ZNF280B: variants seen among roughly 807,000 people sequenced by gnomAD.
ZNF280B encodes suppressor of hairy wing homolog 2.
In ZNF280B, 16 loss-of-function variants were observed where a neutral mutation model predicts 38.0. The observed-to-expected ratio is 0.42, with a 90% CI of 0.28 to 0.64. ZNF280B has a LOEUF of 0.64. Among genes scored for constraint, ZNF280B ranks in the 30% least tolerant of loss-of-function variants. The pLI, the probability that ZNF280B is intolerant of heterozygous loss-of-function variation, is 0.21. For synonymous variants in ZNF280B, 253 were observed against 230.6 expected (o/e 1.10, Z -0.88); for missense variants, 581 against 639.6 (o/e 0.91, Z 0.99).
At position 22,486,333 on chromosome 22, in the gene ZNF280B, T is replaced by C. The variant is rs74765820; in HGVS notation, c.*1434A>G. The C allele has an allele frequency of 3.3e-4, 49 of 147,506 alleles. No homozygotes were observed. Among genetic ancestry groups the C allele is most frequent in the Non-Finnish European group, 5.3e-4 (36 of 67,988 alleles). 9.1% of individuals were successfully genotyped at this position (147,506 alleles called of 1,614,324 possible). ...TTTTGTCCACTGTACCTACTGTTGT[T>C]GGGACAGTCCTCATTCCAGCTTAAC... On this transcript the variant is annotated 3_prime_UTR_variant, in exon 4 of 4. Transcript: ENST00000626650.
intron 2 of ZNF280B, among the ~76,000 whole-genome samples, chr22:22,504,200 G>A (rs2061885627): frequency 6.6e-6 from 1 of 151,952 alleles, no homozygotes; most frequent in Non-Finnish European, 1.5e-5. Context: ...TTGGGAGGCT[G>A]AGGCAGGTGG....
chr22:22,500,218 C>A (rs2061788475), intron 2 of ZNF280B, among the ~76,000 whole-genome samples: 1 of 151,880 alleles, frequency 6.6e-6, no homozygotes, highest in African/African-American at 2.4e-5. Context: ...TATGTTCTAG[C>A]AATCTTACTT....
chr22:22,488,525 G>C lies in ZNF280B; in HGVS notation c.874C>G (p.Gln292Glu), dbSNP rs1426636180. 6.2e-7 allele frequency: 1 copy of C among 1,613,858 alleles called. No individual in the cohort carries two copies. The change falls in exon 4 of 4, where the codon CAG becomes GAG. Residue 292 changes from glutamine (Q) to glutamate (E), a missense_variant. Coordinates refer to ENST00000626650, the MANE Select transcript of ZNF280B (RefSeq NM_080764.4). ...IVLLSDFYYG[Q>E]HKGEGQPEQK... ...TCCGGCTGCCCTTCTCCTTTATGCT[G>C]TCCATAGTAAAAGTCACTAAGTAAC...
intron 2 of ZNF280B, among the ~76,000 whole-genome samples, chr22:22,496,104 C>T (rs780288274): frequency 1.0e-4 from 14 of 134,038 alleles, no homozygotes; most frequent in Non-Finnish European, 4.6e-5. Flanking sequence ...CTGCGCCTGG[C>T]CTTTTTTTTT....
At chr22:22,508,116 G>A (rs1345433944) in intron 1 of ZNF280B, among the ~76,000 whole-genome samples, 1 of 151,878 alleles carries the variant, frequency 6.6e-6, no homozygotes, top group Non-Finnish European at 1.5e-5. Context: ...TCTCACGGGA[G>A]GGACTCCATT....
At chr22:22,500,730 G>T (rs767009283) in intron 2 of ZNF280B, among the ~76,000 whole-genome samples, 16 of 151,688 alleles carry the variant, frequency 1.1e-4, no homozygotes, top group Non-Finnish European at 1.9e-4. Context: ...GTGGTGGCAG[G>T]CACCTATAAA....
intron 2 of ZNF280B, among the ~76,000 whole-genome samples, chr22:22,495,862 T>G (rs924046297): frequency 6.6e-6 from 1 of 150,512 alleles, no homozygotes; most frequent in African/African-American, 2.4e-5. Context: ...GGCACAGTCT[T>G]GTGCACAGTC....
chr22:22,503,915 G>C (rs1043793488), intron 2 of ZNF280B, among the ~76,000 whole-genome samples: 2 of 151,524 alleles, frequency 1.3e-5, no homozygotes, highest in Non-Finnish European at 2.9e-5. Flanking sequence ...CTCTGCGACT[G>C]GGAAGCTCCC....
chr22:22,489,485 C>G lies in ZNF280B; in HGVS notation c.-68-19G>C. 1.7e-6 allele frequency: 2 copies of G among 1,168,226 alleles called. No homozygotes were observed. Among genetic ancestry groups the G allele is most frequent in the East Asian group, 2.4e-5 (1 of 42,376 alleles). The allele number at this position is 1,168,226 out of a possible 1,614,324, so 72.4% of individuals were successfully genotyped here. On this transcript the variant is annotated intron_variant, in intron 3 of 3. Transcript: ENST00000626650. The stretch of plus-strand genomic sequence containing the variant: ...CTGCCACCTAAGTACAAACATACAT[C>G]AGTAAGTACAGGAAAATGCATTACC...
At position 22,498,797 on chromosome 22, in the gene ZNF280B, T is replaced by TTG. The variant is rs2061753948; in HGVS notation, c.-186-4618_-186-4617insCA. 3.7e-5 allele frequency among the ~76,000 whole-genome samples: 5 copies of TTG among 134,532 alleles called. No homozygotes were observed. The South Asian group carries it at 1.3e-3, about 35-fold the overall frequency. 88.3% of individuals were successfully genotyped at this position (134,532 alleles called of 152,430 possible). On this transcript the variant is annotated intron_variant, in intron 2 of 3. Transcript: ENST00000626650. ...AGAAAACTACAGGCCAATATCCTTT[T>TTG]TTTTTTTTTTTTTTTTTGGAGACGG...
rs2061484666 is a variant in ZNF280B, at chr22:22,484,852, A to G, written c.*2915T>C. On this transcript the variant is annotated 3_prime_UTR_variant, in exon 4 of 4. Coordinates refer to ENST00000626650, the MANE Select transcript of ZNF280B (RefSeq NM_080764.4). Reference sequence around the variant, plus strand: ...GTAAAGTGCCTTTAAGAGGAAAAGTAGAAGTTTTTTTTTTTTTTTAAAGGG... The same window carrying G: ...GTAAAGTGCCTTTAAGAGGAAAAGTGGAAGTTTTTTTTTTTTTTTAAAGGG... 1.3e-5 allele frequency: 2 copies of G among 151,946 alleles called. No homozygotes were observed. Among genetic ancestry groups the G allele is most frequent in the Admixed American group, 6.6e-5 (1 of 15,170 alleles). The allele number at this position is 151,946 out of a possible 1,614,324, so 9.4% of individuals were successfully genotyped here.
At position 22,487,881 on chromosome 22, in the gene ZNF280B, C is replaced by T. The variant is rs11109; in HGVS notation, c.1518G>A (p.Ser506=). 197,098 of 1,613,486 alleles carry T rather than the reference C, an allele frequency of 0.12. 15,085 individuals carry two copies. The highest frequency in any genetic ancestry group is 0.29 in the South Asian group (26,603 of 91,050). The part of the protein sequence containing the change: ...PPETKVTIQV[S]LEPLQPGSVD... Reference sequence around the variant, plus strand: ...CTGATCCTGGCTGAAGAGGTTCCAGCGACACTTGAATAGTAACTTTTGTTT... The same window carrying T: ...CTGATCCTGGCTGAAGAGGTTCCAGTGACACTTGAATAGTAACTTTTGTTT... Residue 506 remains serine, a synonymous_variant, in exon 4 of 4, where the codon TCG becomes TCA. Transcript: ENST00000626650.
chr22:22,502,677 G>A (rs1310351303), intron 2 of ZNF280B, among the ~76,000 whole-genome samples: 3 of 151,824 alleles, frequency 2.0e-5, no homozygotes, highest in East Asian at 2.0e-4. Context: ...ACAAAAGGCC[G>A]CATATTTTAT....
intron 2 of ZNF280B, among the ~76,000 whole-genome samples, chr22:22,498,634 C>A (rs528100572): frequency 1.3e-5 from 2 of 151,694 alleles, no homozygotes; most frequent in Non-Finnish European, 2.9e-5. Context: ...AAATTCTTAA[C>A]GTTTTTAAAA....
Position 22,484,465 on chromosome 22 carries a change from A to G in ZNF280B, c.*3302T>C, listed in dbSNP as rs549947501. ...TATTACTATAATTGATATTTTACTTATAATTTTTGGCAACATTAATAAAAT... is the reference window on the plus strand; with the variant it reads ...TATTACTATAATTGATATTTTACTTGTAATTTTTGGCAACATTAATAAAAT... On this transcript the variant is annotated 3_prime_UTR_variant, in exon 4 of 4. Coordinates refer to ENST00000626650, the MANE Select transcript of ZNF280B (RefSeq NM_080764.4). 63 of 152,468 alleles carry G rather than the reference A, an allele frequency of 4.1e-4. No individual in the cohort carries two copies. The highest frequency in any genetic ancestry group is 7.3e-4 in the Non-Finnish European group (50 of 68,032). The allele number at this position is 152,468 out of a possible 1,614,324, so 9.4% of individuals were successfully genotyped here. A position where few individuals can be genotyped will look rare whatever the true frequency, so the allele number is the denominator to read the frequency against.
chr22:22,487,502 C>G lies in ZNF280B; in HGVS notation c.*265G>C. 3.8e-6 allele frequency: 1 copy of G among 264,852 alleles called. No individual in the cohort carries two copies. The allele number at this position is 264,852 out of a possible 1,614,324, so 16.4% of individuals were successfully genotyped here. A position where few individuals can be genotyped will look rare whatever the true frequency, so the allele number is the denominator to read the frequency against. ...TTAAAATTAAAAAAATAAATTAATA[C>G]CTTTTTCTCTCTCTCACACACACAC... On this transcript the variant is annotated 3_prime_UTR_variant, in exon 4 of 4. Coordinates refer to ENST00000626650, the MANE Select transcript of ZNF280B (RefSeq NM_080764.4).
chr22:22,491,034 T>C (rs908654234), intron 3 of ZNF280B, among the ~76,000 whole-genome samples: 5 of 152,062 alleles, frequency 3.3e-5, no homozygotes, highest in African/African-American at 9.6e-5. Context: ...TATTTTCTAT[T>C]GTCCATCCAG....
In ZNF280B at chr22:22,488,407, A is replaced by G. The variant is rs1230733923; in HGVS notation, c.992T>C (p.Phe331Ser). The G allele has an allele frequency of 2.5e-6, 4 of 1,613,848 alleles. No homozygotes were observed. The highest frequency in any genetic ancestry group is 1.1e-5 in the South Asian group (1 of 91,056). ...FMNHVKHHLE[F>S]EKQRNDSWEN... ...CCAGCTGTCGTTCCTCTGCTTCTCA[A>G]ATTCCAAATGATGCTTCACGTGATT... is the stretch of plus-strand genomic sequence containing the variant. The change falls in exon 4 of 4, where the codon TTT becomes TCT. Residue 331 changes from phenylalanine (F) to serine (S), a missense_variant. Coordinates refer to ENST00000626650, the MANE Select transcript of ZNF280B (RefSeq NM_080764.4).
In ZNF280B at chr22:22,489,249, A is replaced by G. The variant is rs1326532736; in HGVS notation, c.150T>C (p.Thr50=). 1 of 1,613,750 alleles carries G rather than the reference A, an allele frequency of 6.2e-7. No individual in the cohort carries two copies. The highest frequency in any genetic ancestry group is 8.5e-7 in the Non-Finnish European group (1 of 1,179,970). ...EDAELIFVGV[T]SNSKPVVSNI... ...TTGAAACGACTGGTTTTGAATTTGAAGTCACCCCAACAAAGATTAGCTCAG... is the reference window on the plus strand; with the variant it reads ...TTGAAACGACTGGTTTTGAATTTGAGGTCACCCCAACAAAGATTAGCTCAG... Residue 50 remains threonine, a synonymous_variant, in exon 4 of 4, where the codon ACT becomes ACC. Coordinates refer to ENST00000626650, the MANE Select transcript of ZNF280B (RefSeq NM_080764.4).
Sources: allele counts gnomAD v4.1 joint callset (sites outside exome capture counted in the v4.1 genomes callset), GRCh38; gene constraint gnomAD v4.1.1; transcripts MANE v1.5; gene names NCBI Gene and HGNC (gene_info 2026-07-23, HGNC 2026-07-21).